PTPRD: variants seen among roughly 807,000 people sequenced by gnomAD.
PTPRD encodes protein tyrosine phosphatase receptor type D.
Under a neutral mutation model 214.5 loss-of-function variants are expected in PTPRD, and 34 were observed. The ratio of observed to expected loss-of-function variants is 0.16; its 90% CI spans 0.12 to 0.21. PTPRD has a LOEUF of 0.21. Among genes scored for constraint, PTPRD ranks in the 10% least tolerant of loss-of-function variants. The pLI, the probability that PTPRD is intolerant of heterozygous loss-of-function variation, is 1.00. For missense variants in PTPRD, 2,545 were observed against 2,398.7 expected (o/e 1.06, Z -1.27); for synonymous variants, 1,128 against 845.7 (o/e 1.33, Z -5.79).
intron 5 of PTPRD, among the ~76,000 whole-genome samples, chr9:9,854,660 T>G (rs1220139100): frequency 1.3e-5 from 2 of 152,224 alleles, no homozygotes; most frequent in African/African-American, 4.8e-5. Flanking sequence ...TTACTTGTTT[T>G]TGATTACTTA....
intron 30 of PTPRD, among the ~76,000 whole-genome samples, chr9:8,478,906 G>A (rs73426341): frequency 1.2e-4 from 19 of 152,178 alleles, no homozygotes; most frequent in Non-Finnish European, 2.6e-4. Flanking sequence ...AGAAATGACA[G>A]CATGGTTTCT....
intron 8 of PTPRD, among the ~76,000 whole-genome samples, chr9:9,536,321 C>T (rs1356115070): frequency 6.6e-6 from 1 of 151,900 alleles, no homozygotes; most frequent in Non-Finnish European, 1.5e-5. Flanking sequence ...AATGGGTATG[C>T]TTACTGGCAG....
chr9:10,086,549 T>A (rs2098341486), intron 3 of PTPRD, among the ~76,000 whole-genome samples: 1 of 151,756 alleles, frequency 6.6e-6, no homozygotes, highest in Non-Finnish European at 1.5e-5. Context: ...TGTTATAAAC[T>A]TGGACAAATA....
intron 3 of PTPRD, among the ~76,000 whole-genome samples, chr9:10,227,839 G>C (rs971926881): frequency 1.3e-5 from 2 of 151,902 alleles, no homozygotes; most frequent in African/African-American, 4.8e-5. Context: ...TTCTACCTGA[G>C]GCCAGAGTTA....
chr9:9,663,385 AT>A (rs1310726097), intron 7 of PTPRD, among the ~76,000 whole-genome samples: 3 of 151,538 alleles, frequency 2.0e-5, no homozygotes, highest in Non-Finnish European at 3.0e-5. Flanking sequence ...GAAATATATA[AT>A]TCAATATAAT....
intron 22 of PTPRD, among the ~76,000 whole-genome samples, chr9:8,505,244 A>C (rs576570070): frequency 6.6e-6 from 1 of 152,358 alleles, no homozygotes; most frequent in South Asian, 2.1e-4. Flanking sequence ...CTTAAAATGC[A>C]AGTGAATACA....
At chr9:8,589,666 G>T (rs760632998) in intron 14 of PTPRD, among the ~76,000 whole-genome samples, 1 of 152,170 alleles carries the variant, frequency 6.6e-6, no homozygotes, top group Non-Finnish European at 1.5e-5. Context: ...AGCAGGGGTT[G>T]TTCCTCTCCA....
intron 4 of PTPRD, among the ~76,000 whole-genome samples, chr9:9,944,502 G>A (rs918992937): frequency 3.9e-5 from 6 of 151,944 alleles, no homozygotes; most frequent in Admixed American, 1.3e-4. Flanking sequence ...TTAATAAAAA[G>A]ATTAATAAAA....
At chr9:8,441,729 C>T (rs12554079) in intron 34 of PTPRD, among the ~76,000 whole-genome samples, 1 of 151,828 alleles carries the variant, frequency 6.6e-6, no homozygotes, top group South Asian at 2.1e-4. Context: ...ATCTACCTCC[C>T]CTTCTCTCTA....
At chr9:10,321,352 G>A (rs891534605) in intron 3 of PTPRD, among the ~76,000 whole-genome samples, 6 of 151,962 alleles carry the variant, frequency 3.9e-5, no homozygotes, top group Non-Finnish European at 8.8e-5. Flanking sequence ...GGCATTGATT[G>A]GTCAAATGAA....
intron 9 of PTPRD, among the ~76,000 whole-genome samples, chr9:9,370,186 A>G (rs1037785367): frequency 3.9e-5 from 6 of 152,060 alleles, no homozygotes; most frequent in Non-Finnish European, 8.8e-5. Flanking sequence ...CATTGAATCT[A>G]TAAATTACTT....
intron 11 of PTPRD, among the ~76,000 whole-genome samples, chr9:8,883,561 T>C (rs1587318313): frequency 1.3e-5 from 2 of 152,312 alleles, no homozygotes; most frequent in Admixed American, 6.5e-5. Context: ...AAGGTCAGAC[T>C]TAATTGGATT....
chr9:8,736,529 G>C (rs1245373225), intron 11 of PTPRD, among the ~76,000 whole-genome samples: 4 of 152,036 alleles, frequency 2.6e-5, no homozygotes, highest in Non-Finnish European at 5.9e-5. Context: ...ACTTTAAAAA[G>C]AATTATAATG....
At chr9:10,342,566 A>G (rs1597545960) in intron 2 of PTPRD, among the ~76,000 whole-genome samples, 1 of 152,252 alleles carries the variant, frequency 6.6e-6, no homozygotes. Flanking sequence ...AATTATTTGA[A>G]TTAATCTAAA....
At chr9:8,603,863 C>T (rs2095034589) in intron 14 of PTPRD, among the ~76,000 whole-genome samples, 1 of 152,020 alleles carries the variant, frequency 6.6e-6, no homozygotes, top group Admixed American at 6.5e-5. Flanking sequence ...AATGGAAAAG[C>T]CCAACTAATT....
chr9:10,582,962 G>T (rs1406864371), intron 2 of PTPRD, among the ~76,000 whole-genome samples: 1 of 152,172 alleles, frequency 6.6e-6, no homozygotes, highest in Non-Finnish European at 1.5e-5. Context: ...AAAAATAGAA[G>T]TGTATTTGAT....
At chr9:8,403,669 C>A (rs1021151406) in intron 36 of PTPRD, among the ~76,000 whole-genome samples, 4 of 152,202 alleles carry the variant, frequency 2.6e-5, no homozygotes, top group African/African-American at 9.7e-5. Flanking sequence ...CTTTTAGGAA[C>A]AATCATGCCC....
At chr9:8,507,963 C>A (rs916076433) in intron 21 of PTPRD, among the ~76,000 whole-genome samples, 1 of 152,006 alleles carries the variant, frequency 6.6e-6, no homozygotes, top group Admixed American at 6.6e-5. Context: ...TTCTTACCAG[C>A]CCACATTTTG....
chr9:9,024,734 A>G (rs2099581551), intron 10 of PTPRD, among the ~76,000 whole-genome samples: 1 of 151,718 alleles, frequency 6.6e-6, no homozygotes, highest in South Asian at 2.1e-4. Context: ...TCCTTCATGT[A>G]TTGTTGCCTA....
Sources: gnomAD v4.1 joint callset for allele counts (sites outside exome capture counted in the v4.1 genomes callset) on GRCh38, gnomAD v4.1.1 for gene constraint, MANE v1.5 for transcripts, NCBI Gene and HGNC (gene_info 2026-07-23, HGNC 2026-07-21) for gene names.